Variants in SMARCA2 observed in about 807,000 individuals in gnomAD.
SMARCA2 encodes SWI/SNF-related matrix-associated actin-dependent regulator of chromatin subfamily A member 2.
In SMARCA2, 61 loss-of-function variants were observed where a neutral mutation model predicts 199.8. The ratio of observed to expected loss-of-function variants is 0.31; its 90% confidence interval spans 0.25 to 0.38. The LOEUF is 0.38. Among genes scored for constraint, SMARCA2 ranks in the 10% least tolerant of loss-of-function variants. The pLI, the probability that SMARCA2 is intolerant of heterozygous loss-of-function variation, is 1.00. For synonymous variants in SMARCA2, 935 were observed against 732.0 expected, an observed-to-expected ratio of 1.28 and a Z score of -4.48; for missense variants, 1,344 against 2,012.2, an observed-to-expected ratio of 0.67 and a Z score of 6.35.
rs779121655 is a variant in SMARCA2 at position 2,033,037 on chromosome 9, C to T, written c.311C>T (p.Pro104Leu). ...GGCACTGGTATGCGACCACCTCACC[C>T]AGGCATGGGCCCTCCCCAGAGTCCA... ...MKGTGMRPPH[P>L]GMGPPQSPMD... is the part of the protein sequence containing the mutation. Residue 104 changes from proline (P) to leucine (L), a missense_variant, in exon 3 of 34, where the codon CCA (proline) becomes CTA (leucine). By Grantham distance (98) the Pro-to-Leu change is moderately conservative (BLOSUM62 -3). Around this residue, in one of 18 missense-constraint regions of SMARCA2, gnomAD observed 275 missense variants for 247.5 expected, o/e 1.11. Coordinates refer to ENST00000349721, the MANE Select transcript of SMARCA2 (RefSeq NM_003070.5). The T allele has an allele frequency of 6.2e-7, 1 of 1,614,150 alleles. No homozygotes were observed. Among genetic ancestry groups the T allele is most frequent in the East Asian group, 2.2e-5 (1 of 44,890 alleles).
intron 29 of SMARCA2, among the ~76,000 whole-genome samples, chr9:2,178,782 C>G (rs1233354247): frequency 1.3e-5 from 2 of 152,104 alleles, no homozygotes; most frequent in African/African-American, 2.4e-5. Context: ...AGTGTTCGTG[C>G]TACCTCAAGG....
intron 2 of SMARCA2, 93 bp from the exon 3 acceptor site, chr9:2,032,859 A>G: frequency 8.4e-7 from 1 of 1,190,816 alleles, no homozygotes; most frequent in Non-Finnish European, 1.2e-6. Flanking sequence ...ATAGTGCCAC[A>G]CTTTTAAAGA....
At chr9:2,171,525 T>A (rs1563824251) in intron 29 of SMARCA2, among the ~76,000 whole-genome samples, 1 of 152,234 alleles carries the variant, frequency 6.6e-6, no homozygotes, top group African/African-American at 2.4e-5. Context: ...ATTTTTGATA[T>A]TTCTTATTGC....
intron 28 of SMARCA2, among the ~76,000 whole-genome samples, chr9:2,164,329 A>G (rs1377681194): frequency 7.5e-6 from 1 of 133,408 alleles, no homozygotes; most frequent in Non-Finnish European, 1.7e-5. Flanking sequence ...AGTGGTTTAG[A>G]GTACAGACTC....
At chr9:2,059,793 C>T (rs757625177) in intron 8 of SMARCA2, among the ~76,000 whole-genome samples, 1 of 152,084 alleles carries the variant, frequency 6.6e-6, no homozygotes, top group African/African-American at 2.4e-5. Context: ...TAGAGTGACA[C>T]CCCTGGACAA....
chr9:2,192,108 T>C (rs1172395070), intron 33 of SMARCA2: 2 of 161,074 alleles, frequency 1.2e-5, no homozygotes, highest in Non-Finnish European at 2.7e-5. Flanking sequence ...TATGTCTGAC[T>C]GGGCAGCAAG....
At chr9:2,189,578 C>T (rs73641011) in intron 32 of SMARCA2, among the ~76,000 whole-genome samples, 1,546 of 152,132 alleles carry the variant, frequency 0.01, 20 homozygotes, top group African/African-American at 0.031. Context: ...CTATTTCTTT[C>T]GACGTCCTAC....
intron 27 of SMARCA2, among the ~76,000 whole-genome samples, chr9:2,131,878 G>T (rs192852780): frequency 1.0e-4 from 15 of 149,076 alleles, no homozygotes; most frequent in African/African-American, 3.5e-4. Context: ...GGTGGAGCCC[G>T]CAGTGAGCCA....
chr9:2,128,516 G>A (rs1344176879), intron 27 of SMARCA2, among the ~76,000 whole-genome samples: 1 of 152,218 alleles, frequency 6.6e-6, no homozygotes, highest in East Asian at 1.9e-4. Context: ...CAGTGAAACT[G>A]GCCCCTTCCT....
rs373767570 is a variant in SMARCA2 at position 2,039,426 on chromosome 9, T to C, written c.356-40T>C. The stretch of plus-strand genomic sequence containing the variant: ...CAGGGATATCTCTCTTTCAGGGTTG[T>C]CAGGGGCAGCCTGTGATTTCCTTTT... On this transcript the variant is annotated intron_variant, in intron 3 of 33. Transcript: ENST00000349721. This position sits in a 1 kb window ranked among gnomAD's most constrained non-coding sequence, Gnocchi z 4.8. The C allele has an allele frequency of 8.8e-6, 14 of 1,588,978 alleles. No homozygotes were observed. The African/African-American group carries it at 1.8e-4, about 20-fold the overall frequency.
chr9:2,116,444 C>A (rs1472047402), intron 25 of SMARCA2, among the ~76,000 whole-genome samples: 1 of 146,272 alleles, frequency 6.8e-6, no homozygotes, highest in Non-Finnish European at 1.5e-5. Context: ...AGAGCCCTCT[C>A]TCTCTTTTGC....
chr9:2,157,928 G>C (rs925883394), intron 27 of SMARCA2: 1 of 398,352 alleles, frequency 2.5e-6, no homozygotes, highest in Non-Finnish European at 4.4e-6. Flanking sequence ...CTGGACCCAC[G>C]TGTGGCTGCT....
chr9:2,072,513 G>A (rs1423008290), intron 10 of SMARCA2, among the ~76,000 whole-genome samples: 2 of 152,190 alleles, frequency 1.3e-5, no homozygotes, highest in South Asian at 2.1e-4. Flanking sequence ...CCCCTGGGGG[G>A]TTAGTTTTGG....
At chr9:2,082,067 G>GT in intron 15 of SMARCA2, 72 bp downstream of exon 15, 1 of 1,269,780 alleles carries the variant, frequency 7.9e-7, no homozygotes, top group Non-Finnish European at 1.1e-6. Context: ...GCTTGTCCTT[G>GT]TTTTTTACTT....
At chr9:2,031,656 A>G (rs1274291739) in intron 2 of SMARCA2, among the ~76,000 whole-genome samples, 1 of 151,842 alleles carries the variant, frequency 6.6e-6, no homozygotes, top group East Asian at 1.9e-4. Flanking sequence ...ACCCTCTTAA[A>G]TACTCCCTCT....
chr9:2,138,994 A>C (rs1824339287), intron 27 of SMARCA2, among the ~76,000 whole-genome samples: 1 of 152,232 alleles, frequency 6.6e-6, no homozygotes, highest in South Asian at 2.1e-4. Flanking sequence ...GTAGCTTAGT[A>C]ACTGGTCAAA....
At chr9:2,084,224 C>T in intron 17 of SMARCA2, 28 bp downstream of exon 17, 1 of 1,195,806 alleles carries the variant, frequency 8.4e-7, no homozygotes, top group South Asian at 1.3e-5. Context: ...TATTTTCTCT[C>T]TAATTAGGAC....
At position 2,039,168 on chromosome 9, in the gene SMARCA2, A is replaced by G. The variant is rs1478474605; in HGVS notation, c.356-298A>G. On this transcript the variant is annotated intron_variant, in intron 3 of 33. Transcript: ENST00000349721. The surrounding 1 kb of genome is among the most constrained non-coding windows in gnomAD (Gnocchi z 4.8). Reference sequence around the variant, plus strand: ...GTAGAATGTCTCATCAACAGTTTTTACATTTTAAAATGATGTTTTGGGTAT... The same window carrying G: ...GTAGAATGTCTCATCAACAGTTTTTGCATTTTAAAATGATGTTTTGGGTAT... Among the ~76,000 whole-genome samples, 1 of 152,166 alleles carries G rather than the reference A, an allele frequency of 6.6e-6. No homozygotes were observed. The highest frequency in any genetic ancestry group is 2.4e-5 in the African/African-American group (1 of 41,454).
intron 19 of SMARCA2, 51 bp from the exon 20 acceptor site, chr9:2,096,606 A>G (rs1288125955): frequency 8.9e-7 from 1 of 1,123,744 alleles, no homozygotes. Context: ...TTCTTAGAAC[A>G]GGCGCCTTCT....
Sources: gnomAD v4.1 joint callset for allele counts (sites outside exome capture counted in the v4.1 genomes callset) on GRCh38, gnomAD v4.1.1 for gene constraint, gnomAD v4.1.1 regional missense constraint, Gnocchi (gnomAD v3.1) non-coding constraint, MANE v1.5 for transcripts, NCBI Gene and HGNC (gene_info 2026-07-23, HGNC 2026-07-21) for gene names.